The following GALNTL6 variants were observed in gnomAD, a reference collection of about 807,000 sequenced individuals.
GALNTL6 encodes the protein polypeptide N-acetylgalactosaminyltransferase like 6, also known as polypeptide N-acetylgalactosaminyltransferase-like 6.
A neutral mutation model predicts 73.7 loss-of-function variants in GALNTL6; 46 were observed. The observed-to-expected ratio is 0.62, with a 90% CI of 0.49 to 0.80. GALNTL6 has a LOEUF of 0.80. Among genes scored for constraint, GALNTL6 ranks in the 30% least tolerant of loss-of-function variants. The pLI is 0.00. For missense variants in GALNTL6, 604 were observed against 755.0 expected (o/e 0.80, Z 2.34); for synonymous variants, 259 against 263.7 (o/e 0.98, Z 0.17).
At chr4:172,827,068 C>T (rs1742310482) in intron 7 of GALNTL6, among the ~76,000 whole-genome samples, 1 of 152,148 alleles carries the variant, frequency 6.6e-6, no homozygotes. Context: ...GAGGCTTTGT[C>T]CTCACTTGAT....
At chr4:172,629,358 T>C (rs1028190911) in intron 5 of GALNTL6, among the ~76,000 whole-genome samples, 1 of 152,144 alleles carries the variant, frequency 6.6e-6, no homozygotes, top group Non-Finnish European at 1.5e-5. Context: ...AAGAACAAAT[T>C]TTGTTAGTCT....
At chr4:172,170,216 CACG>C (rs777819185) in intron 2 of GALNTL6, among the ~76,000 whole-genome samples, 9 of 152,128 alleles carry the variant, frequency 5.9e-5, no homozygotes, top group Non-Finnish European at 1.0e-4. Context: ...TAATAATCCC[CACG>C]TGTCAAGGGA....
chr4:172,815,466 CCCAGGCTGGCTTT>C (rs1208464671), intron 7 of GALNTL6, among the ~76,000 whole-genome samples: 3 of 152,146 alleles, frequency 2.0e-5, no homozygotes, highest in Non-Finnish European at 4.4e-5. Flanking sequence ...CTAGAACTCA[CCCAGGCTGGCTTT>C]CCAAATACCG....
intron 5 of GALNTL6, among the ~76,000 whole-genome samples, chr4:172,780,890 A>ATG (rs778280054): frequency 7.2e-5 from 11 of 152,194 alleles, no homozygotes; most frequent in Non-Finnish European, 1.5e-4. Context: ...TCAGAGCTAC[A>ATG]ATGCTGCTCA....
chr4:172,692,820 TAA>T (rs1214983965), intron 5 of GALNTL6, among the ~76,000 whole-genome samples: 1 of 152,172 alleles, frequency 6.6e-6, no homozygotes, highest in Non-Finnish European at 1.5e-5. Context: ...TAAAATTTTA[TAA>T]GTCAAGACTT....
At chr4:171,851,798 G>T (rs536947064) in intron 2 of GALNTL6, among the ~76,000 whole-genome samples, 4 of 152,204 alleles carry the variant, frequency 2.6e-5, no homozygotes, top group Non-Finnish European at 5.9e-5. Context: ...TAATTAAATT[G>T]ATCTAGACAA....
chr4:171,971,868 T>C (rs1739579880), intron 2 of GALNTL6, among the ~76,000 whole-genome samples: 1 of 152,168 alleles, frequency 6.6e-6, no homozygotes, highest in African/African-American at 2.4e-5. Flanking sequence ...GCTGTGTGTG[T>C]CTGTGAGTGT....
chr4:172,424,464 AG>A (rs1207419569), intron 5 of GALNTL6, among the ~76,000 whole-genome samples: 1 of 152,142 alleles, frequency 6.6e-6, no homozygotes, highest in Non-Finnish European at 1.5e-5. Context: ...TAATCATTAG[AG>A]GAAGTGTTTT....
At chr4:172,644,437 T>A (rs1446812655) in intron 5 of GALNTL6, among the ~76,000 whole-genome samples, 1 of 151,898 alleles carries the variant, frequency 6.6e-6, no homozygotes. Flanking sequence ...TTTTGACTTT[T>A]CCCATTGTAA....
At chr4:172,196,838 T>C (rs1207469506) in intron 2 of GALNTL6, among the ~76,000 whole-genome samples, 2 of 152,172 alleles carry the variant, frequency 1.3e-5, no homozygotes, top group Non-Finnish European at 2.9e-5. Context: ...GCCAATATAC[T>C]GAATGAACAA....
At chr4:172,439,281 G>C (rs894934666) in intron 5 of GALNTL6, among the ~76,000 whole-genome samples, 2 of 151,346 alleles carry the variant, frequency 1.3e-5, no homozygotes, top group African/African-American at 4.9e-5. Context: ...CACAAAGACT[G>C]TTCATGTCAA....
rs369967594 is a variant in GALNTL6, at chr4:171,943,575, T to A, written c.138+128857T>A. 8.5e-5 allele frequency among the ~76,000 whole-genome samples: 13 copies of A among 152,328 alleles called. No individual in the cohort carries two copies. In the South Asian group the frequency reaches 1.7e-3, roughly 19 times the overall value. The stretch of plus-strand genomic sequence containing the variant: ...CTACTAGTAGACATGCTAGACCAAC[T>A]AACTCTCAACTTACTTTTCTCAAGG... On this transcript the variant is annotated intron_variant, in intron 2 of 12. Transcript: ENST00000506823.
At chr4:171,850,673 G>T (rs1236689709) in intron 2 of GALNTL6, among the ~76,000 whole-genome samples, 2 of 152,090 alleles carry the variant, frequency 1.3e-5, no homozygotes, top group Non-Finnish European at 2.9e-5. Flanking sequence ...TTAGTCTTAT[G>T]ATCTCTGTTT....
At chr4:172,724,882 A>C (rs1735704422) in intron 5 of GALNTL6, among the ~76,000 whole-genome samples, 1 of 152,190 alleles carries the variant, frequency 6.6e-6, no homozygotes, top group Non-Finnish European at 1.5e-5. Context: ...GGCACCAAGA[A>C]GAAGAGCAAG....
intron 2 of GALNTL6, among the ~76,000 whole-genome samples, chr4:172,186,426 T>A (rs1328261983): frequency 1.3e-5 from 2 of 152,094 alleles, no homozygotes; most frequent in African/African-American, 4.8e-5. Flanking sequence ...CTTTAAAGTA[T>A]ACTAGAAAGA....
At chr4:172,380,990 C>T (rs1219219614) in intron 5 of GALNTL6, among the ~76,000 whole-genome samples, 3 of 152,150 alleles carry the variant, frequency 2.0e-5, no homozygotes, top group Admixed American at 1.3e-4. Flanking sequence ...ACAGTTTGTG[C>T]TCCTGTCATA....
At chr4:172,758,555 TTCATTCAATA>T (rs1737885877) in intron 5 of GALNTL6, among the ~76,000 whole-genome samples, 1 of 152,134 alleles carries the variant, frequency 6.6e-6, no homozygotes, top group Non-Finnish European at 1.5e-5. Flanking sequence ...AAGAAAGGAT[TTCATTCAATA>T]TCATAATTGA....
chr4:171,834,660 G>C (rs1174216974), intron 2 of GALNTL6, among the ~76,000 whole-genome samples: 1 of 152,004 alleles, frequency 6.6e-6, no homozygotes, highest in Admixed American at 6.6e-5. Flanking sequence ...TTTAGGAAGA[G>C]GGAGGAAACA....
intron 5 of GALNTL6, among the ~76,000 whole-genome samples, chr4:172,786,710 G>A (rs559534514): frequency 2.6e-5 from 4 of 152,230 alleles, no homozygotes; most frequent in African/African-American, 7.2e-5. Context: ...TTTGTATTCT[G>A]GAGGGGCACA....
Sources: gnomAD v4.1 joint callset for allele counts (sites outside exome capture counted in the v4.1 genomes callset) on GRCh38, gnomAD v4.1.1 for gene constraint, MANE v1.5 for transcripts, NCBI Gene and HGNC (gene_info 2026-07-23, HGNC 2026-07-21) for gene names.